Variants in RPAP1 observed in about 807,000 individuals in gnomAD.
RPAP1 encodes the protein RNA polymerase II associated protein 1, also known as RNA polymerase II-associated protein 1.
A neutral mutation model predicts 142.4 loss-of-function variants in RPAP1; 109 were observed. The observed-to-expected ratio is 0.77, with a 90% CI of 0.66 to 0.90. The LOEUF (loss-of-function observed/expected upper bound fraction) is 0.90. RPAP1 is among the 40% of genes least tolerant of loss of function. RPAP1 has a pLI of 0.00. For synonymous variants in RPAP1, 704 were observed against 738.9 expected (o/e 0.95, Z 0.77); for missense variants, 1,546 against 1,751.7 (o/e 0.88, Z 2.10).
intron 22 of RPAP1, 177 bp downstream of exon 22, chr15:41,520,214 G>A (rs368186424): frequency 8.6e-6 from 6 of 697,144 alleles, no homozygotes; most frequent in South Asian, 1.9e-5. Flanking sequence ...AATTACAGGC[G>A]TGAGCCACCA....
intron 6 of RPAP1, 82 bp downstream of exon 6, chr15:41,534,632 C>A: frequency 1.1e-6 from 1 of 908,024 alleles, no homozygotes. Context: ...CAGCACAGTG[C>A]CCGGAACTCA....
In RPAP1 at chr15:41,524,200, G is replaced by A. The variant is rs762909087; in HGVS notation, c.2130C>T (p.Ser710=). 3.2e-6 allele frequency: 5 copies of A among 1,578,620 alleles called. No individual in the cohort carries two copies. The highest frequency in any genetic ancestry group is 3.6e-5 in the Admixed American group (2 of 55,266). The change falls in exon 16 of 25, where the codon AGC becomes AGT. Residue 710 remains serine (S), a synonymous_variant. Coordinates refer to ENST00000304330, the MANE Select transcript of RPAP1 (RefSeq NM_015540.4). The part of the protein sequence containing the change: ...RALQVVPREL[S]THPPQPLSMQ... ...TGGACAGGGGTTGAGGTGGGTGGGTGCTGAGCTCCCGCGGCACCACCTGCA... is the reference window on the plus strand; with the variant it reads ...TGGACAGGGGTTGAGGTGGGTGGGTACTGAGCTCCCGCGGCACCACCTGCA...
chr15:41,523,202 G>A (rs2051748835), intron 18 of RPAP1, 43 bp downstream of exon 18: 1 of 1,339,878 alleles, frequency 7.5e-7, no homozygotes, highest in Non-Finnish European at 1.0e-6. Flanking sequence ...GAAAGAAATT[G>A]CCTCCTCCCC....
intron 1 of RPAP1, chr15:41,543,795 T>G (rs2051993656): frequency 6.6e-6 from 1 of 150,384 alleles, no homozygotes; most frequent in South Asian, 2.3e-4. Context: ...CCGGGCGCGG[T>G]GGCTCACGCC....
rs200927165 is a variant in RPAP1 at position 41,521,926 on chromosome 15, C to T, written c.2896-46G>A. On this transcript the variant is annotated intron_variant, in intron 20 of 24. Transcript: ENST00000304330. ...AACTACCTAGTACAGGAGAAGGGGACGTGGCAGAGAGAAGTGAGGAAGAGG... is the reference window on the plus strand; with the variant it reads ...AACTACCTAGTACAGGAGAAGGGGATGTGGCAGAGAGAAGTGAGGAAGAGG... 132 of 1,598,856 alleles carry T rather than the reference C, an allele frequency of 8.3e-5. No homozygotes were observed. In the Admixed American group the frequency reaches 1.6e-3, roughly 19 times the overall value.
chr15:41,521,005 T>A lies in RPAP1; in HGVS notation c.3181A>T (p.Thr1061Ser), dbSNP rs761047050. Residue 1061 changes from threonine (T) to serine (S), a missense_variant, in exon 22 of 25, where the codon ACT becomes TCT. Physicochemically the swap from Thr to Ser is moderately conservative, Grantham distance 58. This residue lies in a region of RPAP1 where 1,333 missense variants were observed against 1,486.6 expected (regional missense o/e 0.90). Coordinates refer to ENST00000304330, the MANE Select transcript of RPAP1 (RefSeq NM_015540.4). ...DLPSIRNCYL[T>S]HCSPARASLL... ...CTGGCTCGGGCTGGCGAGCAATGAG[T>A]CAGGTAGCAGTTGCGGATGCTGGGG... 2 of 1,605,892 alleles carry A rather than the reference T, an allele frequency of 1.2e-6. No individual in the cohort carries two copies. Among genetic ancestry groups the A allele is most frequent in the Non-Finnish European group, 1.7e-6 (2 of 1,176,050 alleles).
At chr15:41,529,590 C>G in intron 8 of RPAP1, 22 bp from the exon 9 acceptor site, 10 of 1,558,382 alleles carry the variant, frequency 6.4e-6, no homozygotes, top group Non-Finnish European at 8.8e-6. Flanking sequence ...AGAAAGAGGA[C>G]TGTGGTCTGG....
In RPAP1 at chr15:41,517,783, T is replaced by C. The variant is rs952758749; in HGVS notation, c.4032+15A>G. 1.2e-6 allele frequency: 2 copies of C among 1,614,186 alleles called. No homozygotes were observed. The highest frequency in any genetic ancestry group is 2.2e-5 in the South Asian group (2 of 91,078). On this transcript the variant is annotated intron_variant, in intron 24 of 24. Coordinates refer to ENST00000304330, the MANE Select transcript of RPAP1 (RefSeq NM_015540.4). ...ATCCTCTAATATCCCACCCTCCTAA[T>C]GGCCCTGACCCTACCTCATCTGCCA...
At chr15:41,528,091 C>T in intron 10 of RPAP1, 64 bp from the exon 11 acceptor site, 1 of 1,575,946 alleles carries the variant, frequency 6.3e-7, no homozygotes, top group Non-Finnish European at 8.7e-7. Flanking sequence ...TTGCCCTAAT[C>T]CTTCGTTTGC....
intron 2 of RPAP1, 70 bp from the exon 3 acceptor site, chr15:41,536,719 GAA>G: frequency 6.4e-7 from 1 of 1,557,554 alleles, no homozygotes; most frequent in South Asian, 1.2e-5. Flanking sequence ...GGCTAGGGAA[GAA>G]AGACAGCTGC....
chr15:41,524,829 TG>T (rs1415803981), intron 15 of RPAP1, among the ~76,000 whole-genome samples, 161 bp downstream of exon 15: 2 of 152,216 alleles, frequency 1.3e-5, no homozygotes, highest in Admixed American at 6.5e-5. Context: ...CTTCCCTGGC[TG>T]GGCCTGACTC....
rs1198290079 is a variant in RPAP1 at position 41,522,994 on chromosome 15, T to C, written c.2547-34A>G. On this transcript the variant is annotated intron_variant, in intron 18 of 24. Transcript: ENST00000304330. ...GAAGTGGAGAGTCTGAGGGGGACTC[T>C]GGCCTGGCGTGTGCCAAGCTGGAAA... is the stretch of plus-strand genomic sequence containing the variant. 7.4e-6 allele frequency: 11 copies of C among 1,483,998 alleles called. 1 individual carries two copies. The African/African-American group carries it at 1.0e-4, about 14-fold the overall frequency. The allele number at this position is 1,483,998 out of a possible 1,614,324, so 91.9% of individuals were successfully genotyped here.
chr15:41,523,176 C>T (rs2051748594), intron 18 of RPAP1, 69 bp downstream of exon 18: 1 of 1,190,384 alleles, frequency 8.4e-7, no homozygotes, highest in Non-Finnish European at 1.2e-6. Context: ...GGAGCTGGAC[C>T]CAGGAATCCC....
rs2051726826 is a variant in RPAP1, at chr15:41,521,620, G to A, written c.3038+118C>T. 5 of 1,128,680 alleles carry A rather than the reference G, an allele frequency of 4.4e-6. No individual in the cohort carries two copies. In the Admixed American group the frequency reaches 1.0e-4, roughly 23 times the overall value. 69.9% of individuals were successfully genotyped at this position (1,128,680 alleles called of 1,614,324 possible). A position where few individuals can be genotyped will look rare whatever the true frequency, so the allele number is the denominator to read the frequency against. ...GGTAATGGAAGCTCGGAAGAGTTAA[G>A]TGTCGTCGGTGGAAGAAAGAGAATT... On this transcript the variant is annotated intron_variant, in intron 21 of 24. Transcript: ENST00000304330.
chr15:41,536,689 C>A, intron 2 of RPAP1, 40 bp from the exon 3 acceptor site: 1 of 1,601,880 alleles, frequency 6.2e-7, no homozygotes, highest in Non-Finnish European at 8.5e-7. Context: ...ATATGCACAC[C>A]TTCCTAGGAA....
chr15:41,530,315 A>G (rs1232593165), intron 7 of RPAP1, among the ~76,000 whole-genome samples: 3 of 152,188 alleles, frequency 2.0e-5, no homozygotes, highest in African/African-American at 7.2e-5. Context: ...GGAAGGCACC[A>G]TCTCCACTTT....
chr15:41,523,380 C>T, intron 17 of RPAP1, 26 bp from the exon 18 acceptor site: 1 of 1,428,572 alleles, frequency 7.0e-7, no homozygotes, highest in East Asian at 2.3e-5. Context: ...ATTCACTGAG[C>T]TGATGGCCCA....
At chr15:41,533,179 T>C (rs1595487035) in intron 6 of RPAP1, among the ~76,000 whole-genome samples, 2 of 152,064 alleles carry the variant, frequency 1.3e-5, no homozygotes, top group East Asian at 3.9e-4. Flanking sequence ...AACTGAATAA[T>C]GCATTAAAGG....
At position 41,541,425 on chromosome 15, in the gene RPAP1, A is replaced by G. The variant is rs1165205332; in HGVS notation, c.-77+2794T>C. Reference sequence around the variant, plus strand: ...GTGACAGAGCTAGACTCCATCTTGAAAAAAAAAAAAAAAAAAGCAGGGAAT... The same window carrying G: ...GTGACAGAGCTAGACTCCATCTTGAGAAAAAAAAAAAAAAAAGCAGGGAAT... On this transcript the variant is annotated intron_variant, in intron 1 of 24. Transcript: ENST00000304330. Among the ~76,000 whole-genome samples, 73 of 123,218 alleles carry G rather than the reference A, an allele frequency of 5.9e-4. 1 individual carries two copies. The East Asian group carries it at 0.021, about 35-fold the overall frequency. The allele number at this position is 123,218 out of a possible 152,430, so 80.8% of individuals were successfully genotyped here.
Sources: gnomAD v4.1 joint callset for allele counts (sites outside exome capture counted in the v4.1 genomes callset) on GRCh38, gnomAD v4.1.1 for gene constraint, gnomAD v4.1.1 regional missense constraint, MANE v1.5 for transcripts, NCBI Gene and HGNC (gene_info 2026-07-23, HGNC 2026-07-21) for gene names.